STXBP5L: variants seen among roughly 807,000 people sequenced by gnomAD.
STXBP5L encodes the protein syntaxin-binding protein 5-like.
STXBP5L carries 65 observed loss-of-function variants against 144.5 expected under a neutral mutation model. That is an observed-to-expected ratio of 0.45 (90% CI 0.37 to 0.55). The LOEUF (loss-of-function observed/expected upper bound fraction) is 0.55, where lower values mean the gene tolerates loss of function less well. Among genes scored for constraint, STXBP5L ranks in the 20% least tolerant of loss-of-function variants. The pLI is 0.00. For missense variants in STXBP5L, 1,298 were observed against 1,405.5 expected (o/e 0.92, Z 1.22); for synonymous variants, 505 against 469.6 (o/e 1.08, Z -0.97).
chr3:121,129,249 A>G (rs2107887144), intron 7 of STXBP5L, among the ~76,000 whole-genome samples: 1 of 152,186 alleles, frequency 6.6e-6, no homozygotes, highest in East Asian at 1.9e-4. Context: ...AATTAGAGGC[A>G]CATAGTGGGA....
intron 5 of STXBP5L, among the ~76,000 whole-genome samples, chr3:121,064,155 G>A (rs1204875844): frequency 6.6e-6 from 1 of 152,212 alleles, no homozygotes; most frequent in African/African-American, 2.4e-5. Context: ...TGCAGGTTGT[G>A]AAGACTGTGG....
chr3:121,283,012 T>C (rs904800856), intron 19 of STXBP5L, among the ~76,000 whole-genome samples: 3 of 151,622 alleles, frequency 2.0e-5, no homozygotes, highest in African/African-American at 7.3e-5. Flanking sequence ...AGAGTGAGAG[T>C]GTGTGTGACT....
chr3:121,237,280 C>A (rs2049512592), intron 12 of STXBP5L, among the ~76,000 whole-genome samples: 1 of 152,144 alleles, frequency 6.6e-6, no homozygotes, highest in Non-Finnish European at 1.5e-5. Flanking sequence ...TGGATGCCAC[C>A]AAAGCTATGG....
intron 3 of STXBP5L, among the ~76,000 whole-genome samples, chr3:121,005,198 G>C (rs1041815631): frequency 6.6e-6 from 1 of 152,078 alleles, no homozygotes; most frequent in African/African-American, 2.4e-5. Flanking sequence ...TTTTTGGTTG[G>C]TAGGCTATTA....
rs769765583 is a variant in STXBP5L at position 121,157,542 on chromosome 3, G to T, written c.792G>T (p.Gln264His). The T allele has an allele frequency of 1.2e-6, 2 of 1,600,902 alleles. No homozygotes were observed. The highest frequency in any genetic ancestry group is 1.4e-5 in the African/African-American group (1 of 73,962). ...TTGATTGGCATCATGAGGGCAAACA[G>T]TTCATGTGCAGCCATTCAGATGGTA... ...HSIDWHHEGKQFMCSHSDGSL... is the reference protein window; with the variant it reads ...HSIDWHHEGKHFMCSHSDGSL... Residue 264 changes from glutamine to histidine, a missense_variant, in exon 9 of 27, where the codon CAG (glutamine) becomes CAT (histidine). By Grantham distance (24) the Gln-to-His change is conservative. Transcript: ENST00000471454.
intron 3 of STXBP5L, among the ~76,000 whole-genome samples, chr3:120,997,141 A>G (rs928158477): frequency 1.8e-4 from 27 of 151,782 alleles, no homozygotes; most frequent in African/African-American, 6.3e-4. Flanking sequence ...TTATGGCTGC[A>G]TAATTTTCCA....
At chr3:121,135,468 T>C (rs1315313576) in intron 7 of STXBP5L, among the ~76,000 whole-genome samples, 1 of 152,072 alleles carries the variant, frequency 6.6e-6, no homozygotes, top group Non-Finnish European at 1.5e-5. Flanking sequence ...CTAAGCTTGT[T>C]TTGCTGCAAC....
intron 3 of STXBP5L, among the ~76,000 whole-genome samples, chr3:120,985,712 T>G (rs367923825): frequency 2.0e-5 from 3 of 152,110 alleles, no homozygotes; most frequent in African/African-American, 7.2e-5. Context: ...TGATGTGTAA[T>G]TGTTATAGGA....
intron 5 of STXBP5L, among the ~76,000 whole-genome samples, chr3:121,079,077 G>A (rs74824530): frequency 9.2e-5 from 14 of 152,388 alleles, no homozygotes; most frequent in South Asian, 2.1e-4. Context: ...CGCCCAGAGC[G>A]AGTGAGGGCT....
At chr3:121,129,001 A>G (rs1388685232) in intron 7 of STXBP5L, among the ~76,000 whole-genome samples, 1 of 152,082 alleles carries the variant, frequency 6.6e-6, no homozygotes, top group African/African-American at 2.4e-5. Context: ...ACTGTTAGAT[A>G]TAGGGTCAGA....
At chr3:121,134,207 G>A (rs1003147059) in intron 7 of STXBP5L, among the ~76,000 whole-genome samples, 4 of 152,104 alleles carry the variant, frequency 2.6e-5, no homozygotes, top group African/African-American at 9.7e-5. Flanking sequence ...AGGTGGTGCA[G>A]GGCATCACAT....
chr3:121,396,867 T>G (rs1576351198), intron 22 of STXBP5L, among the ~76,000 whole-genome samples: 2 of 152,330 alleles, frequency 1.3e-5, no homozygotes, highest in African/African-American at 4.8e-5. Context: ...TAACTGCTGT[T>G]TGCAATTGGG....
At chr3:121,348,245 A>T (rs1421698033) in intron 20 of STXBP5L, among the ~76,000 whole-genome samples, 1 of 152,060 alleles carries the variant, frequency 6.6e-6, no homozygotes, top group Admixed American at 6.6e-5. Context: ...TTCTGTTTAT[A>T]TGCTGGGTTA....
At chr3:121,075,698 C>G (rs1301612942) in intron 5 of STXBP5L, among the ~76,000 whole-genome samples, 1 of 152,154 alleles carries the variant, frequency 6.6e-6, no homozygotes, top group Non-Finnish European at 1.5e-5. Flanking sequence ...ACCTCTGAGA[C>G]CTTTCTGATA....
chr3:121,394,578 C>CAAATATGTCTAG (rs2046678605), intron 22 of STXBP5L, among the ~76,000 whole-genome samples: 2 of 124,434 alleles, frequency 1.6e-5, no homozygotes, highest in African/African-American at 3.0e-5. Flanking sequence ...GAAGCATATT[C>CAAATATGTCTAG]TTTGTATGTC....
chr3:120,996,979 G>T (rs1343404318), intron 3 of STXBP5L, among the ~76,000 whole-genome samples: 1 of 151,970 alleles, frequency 6.6e-6, no homozygotes, highest in Non-Finnish European at 1.5e-5. Flanking sequence ...GTAGGCACTG[G>T]TGTTTCATCA....
At chr3:121,153,241 G>A (rs1175713881) in intron 8 of STXBP5L, among the ~76,000 whole-genome samples, 3 of 151,870 alleles carry the variant, frequency 2.0e-5, no homozygotes, top group East Asian at 1.9e-4. Flanking sequence ...TATTAATTCC[G>A]GGCCATTAAT....
chr3:121,258,750 T>A (rs1436836572), intron 17 of STXBP5L, among the ~76,000 whole-genome samples: 4 of 152,000 alleles, frequency 2.6e-5, no homozygotes, highest in African/African-American at 9.7e-5. Flanking sequence ...ATTAGAAAAA[T>A]AATTACATAA....
rs72969913 is a variant in STXBP5L at position 121,362,062 on chromosome 3, T to A, written c.2177-16654T>A. On this transcript the variant is annotated intron_variant, in intron 20 of 26. Transcript: ENST00000471454. ...ACTCATAGAAGTACTGCTTTAATAG[T>A]CTTGGACAAATCTGGGAGAATTATC... 8.0e-3 allele frequency among the ~76,000 whole-genome samples: 1,221 copies of A among 152,348 alleles called. 11 individuals carry two copies. The highest frequency in any genetic ancestry group is 0.028 in the African/African-American group (1,176 of 41,564).
Sources: allele counts gnomAD v4.1 joint callset (sites outside exome capture counted in the v4.1 genomes callset), GRCh38; gene constraint gnomAD v4.1.1; transcripts MANE v1.5; gene names NCBI Gene and HGNC (gene_info 2026-07-23, HGNC 2026-07-21).